Variants in RPA3 observed in about 807,000 individuals in gnomAD.
The protein encoded by RPA3 is replication protein A3.
Under a neutral mutation model 13.7 loss-of-function variants are expected in RPA3, and 24 were observed. The ratio of observed to expected loss-of-function variants is 1.75; its 90% CI spans 1.27 to 2.46. The LOEUF is 2.46. RPA3 is among the 30% of genes most tolerant of loss of function. The pLI is 0.00. For synonymous variants in RPA3, 59 were observed against 51.2 expected, an observed-to-expected ratio of 1.15 and a Z score of -0.65; for missense variants, 183 against 151.0, an observed-to-expected ratio of 1.21 and a Z score of -1.11.
intron 4 of RPA3, among the ~76,000 whole-genome samples, 152 bp from the exon 5 acceptor site, chr7:7,641,327 T>TGGCCAGTA: frequency 6.6e-6 from 1 of 152,300 alleles, no homozygotes; most frequent in Middle Eastern, 3.4e-3. Context: ...GAAGAACCAC[T>TGGCCAGTA]GGCCAGTACT....
intron 4 of RPA3, among the ~76,000 whole-genome samples, chr7:7,652,514 A>G (rs912236560): frequency 6.6e-6 from 1 of 152,196 alleles, no homozygotes; most frequent in African/African-American, 2.4e-5. Flanking sequence ...AACATTTTGC[A>G]TGGTTAATGC....
At position 7,640,505 on chromosome 7, in the gene RPA3, G is replaced by C. The variant is rs570167151; in HGVS notation, c.-87C>G. 1 of 1,250,354 alleles carries C rather than the reference G, an allele frequency of 8.0e-7. No homozygotes were observed. The highest frequency in any genetic ancestry group is 1.2e-6 in the Non-Finnish European group (1 of 863,564). The allele number at this position is 1,250,354 out of a possible 1,614,324, so 77.5% of individuals were successfully genotyped here. A position where few individuals can be genotyped will look rare whatever the true frequency, so the allele number is the denominator to read the frequency against. On this transcript the variant is annotated 5_prime_UTR_variant, in exon 5 of 8. Coordinates refer to ENST00000223129, the MANE Select transcript of RPA3 (RefSeq NM_002947.5). ...CGGGTGTCTATGGGGCAGATTTCTC[G>C]GCACCAATCAGCGAAGACTAGCGCT...
intron 4 of RPA3, among the ~76,000 whole-genome samples, chr7:7,653,007 T>C (rs1010968562): frequency 2.6e-5 from 4 of 152,254 alleles, no homozygotes; most frequent in African/African-American, 9.6e-5. Flanking sequence ...CCCAGTGCTC[T>C]AGAGAGTTGT....
chr7:7,705,146 A>C (rs79966769), intron 2 of RPA3, among the ~76,000 whole-genome samples: 3,943 of 152,248 alleles, frequency 0.026, 177 homozygotes, highest in African/African-American at 0.09. Flanking sequence ...CTTTTTATGC[A>C]ATGATGAGAA....
chr7:7,684,819 G>A (rs565225936), intron 4 of RPA3, among the ~76,000 whole-genome samples: 57 of 152,252 alleles, frequency 3.7e-4, no homozygotes, highest in Non-Finnish European at 6.8e-4. Flanking sequence ...ACGCATTCAA[G>A]CAGCCATGTT....
chr7:7,673,647 T>C (rs963929049), intron 4 of RPA3, among the ~76,000 whole-genome samples: 38 of 152,326 alleles, frequency 2.5e-4, no homozygotes, highest in Non-Finnish European at 5.0e-4. Flanking sequence ...GTGAGACTTT[T>C]CTTCCGTGTT....
At chr7:7,701,659 G>A (rs1780466336) in intron 2 of RPA3, among the ~76,000 whole-genome samples, 1 of 152,124 alleles carries the variant, frequency 6.6e-6, no homozygotes, top group African/African-American at 2.4e-5. Flanking sequence ...AGTGAAATAT[G>A]ATTAGGAGGC....
chr7:7,692,092 G>A (rs1023750083), intron 2 of RPA3, among the ~76,000 whole-genome samples: 2 of 151,950 alleles, frequency 1.3e-5, no homozygotes, highest in African/African-American at 4.8e-5. Flanking sequence ...TTACCCCTGG[G>A]GTTCCATTCT....
In RPA3 at chr7:7,637,158, A is replaced by T. The variant is rs1242633880; in HGVS notation, c.284-76T>A. 3.7e-6 allele frequency: 4 copies of T among 1,068,406 alleles called. No individual in the cohort carries two copies. The African/African-American group carries it at 6.3e-5, about 17-fold the overall frequency. 66.2% of individuals were successfully genotyped at this position (1,068,406 alleles called of 1,614,324 possible). On this transcript the variant is annotated intron_variant, in intron 7 of 7. Transcript: ENST00000223129. ...ATCAATTATTATCTAAGATATTTTT[A>T]CCTATTTCCTTTTTCTCACCCTTTT...
At chr7:7,687,367 T>A (rs1193047533) in intron 2 of RPA3, 39 bp from the exon 3 acceptor site, 2 of 152,226 alleles carry the variant, frequency 1.3e-5, no homozygotes, top group African/African-American at 4.8e-5. Context: ...CTTGTAATTC[T>A]TTTGCTGACC....
Position 7,640,648 on chromosome 7 carries a change from C to T in RPA3, c.-230G>A, listed in dbSNP as rs1349201503. The T allele has an allele frequency of 5.6e-6, 3 of 535,478 alleles. No individual in the cohort carries two copies. Among genetic ancestry groups the T allele is most frequent in the East Asian group, 3.3e-5 (1 of 30,498 alleles). The allele number at this position is 535,478 out of a possible 1,614,324, so 33.2% of individuals were successfully genotyped here. A position where few individuals can be genotyped will look rare whatever the true frequency, so the allele number is the denominator to read the frequency against. On this transcript the variant is annotated 5_prime_UTR_variant, in exon 5 of 8. Coordinates refer to ENST00000223129, the MANE Select transcript of RPA3 (RefSeq NM_002947.5). ...AGATTGGCTGCTTAGTGACGCGCGG[C>T]GTCCCGGAAGTTGACAGATACAGGG...
intron 1 of RPA3, among the ~76,000 whole-genome samples, chr7:7,717,726 C>T (rs549331954): frequency 6.6e-6 from 1 of 152,268 alleles, no homozygotes; most frequent in South Asian, 2.1e-4. Context: ...TGCAGTTTAA[C>T]AAAGAAGTTA....
intron 4 of RPA3, among the ~76,000 whole-genome samples, chr7:7,668,588 A>C (rs1277042292): frequency 6.6e-6 from 1 of 152,194 alleles, no homozygotes; most frequent in Non-Finnish European, 1.5e-5. Context: ...ACTGACTTTA[A>C]GTGAAACAAC....
chr7:7,702,025 T>G (rs974970900), intron 2 of RPA3, among the ~76,000 whole-genome samples: 2 of 152,246 alleles, frequency 1.3e-5, no homozygotes, highest in African/African-American at 4.8e-5. Flanking sequence ...AAATTCATAT[T>G]GAAATTCAGA....
At chr7:7,647,593 G>C (rs1448327236) in intron 4 of RPA3, among the ~76,000 whole-genome samples, 1 of 152,102 alleles carries the variant, frequency 6.6e-6, no homozygotes, top group Non-Finnish European at 1.5e-5. Context: ...TTGAAGCCCT[G>C]ATGACTTTTG....
At chr7:7,686,171 C>T (rs1780038032) in intron 3 of RPA3, among the ~76,000 whole-genome samples, 173 bp from the exon 4 acceptor site, 1 of 152,040 alleles carries the variant, frequency 6.6e-6, no homozygotes, top group Non-Finnish European at 1.5e-5. Flanking sequence ...GGTAGAGGAG[C>T]AAAACTATTC....
intron 4 of RPA3, among the ~76,000 whole-genome samples, chr7:7,655,075 T>A (rs1283936075): frequency 1.3e-5 from 2 of 152,218 alleles, no homozygotes; most frequent in Non-Finnish European, 1.5e-5. Context: ...CAGGATTTAC[T>A]GTTATAGTAA....
At chr7:7,664,978 T>TA (rs1779400546) in intron 4 of RPA3, among the ~76,000 whole-genome samples, 1 of 151,318 alleles carries the variant, frequency 6.6e-6, no homozygotes, top group Non-Finnish European at 1.5e-5. Flanking sequence ...GTATTTGGAA[T>TA]AAAATGTGTG....
chr7:7,710,123 T>C (rs1780716795), intron 2 of RPA3, among the ~76,000 whole-genome samples: 1 of 152,222 alleles, frequency 6.6e-6, no homozygotes, highest in African/African-American at 2.4e-5. Flanking sequence ...CTATGTATCT[T>C]TAGTTCTTTC....
Sources: gnomAD v4.1 joint callset for allele counts (sites outside exome capture counted in the v4.1 genomes callset) on GRCh38, gnomAD v4.1.1 for gene constraint, MANE v1.5 for transcripts, NCBI Gene and HGNC (gene_info 2026-07-23, HGNC 2026-07-21) for gene names.